Variants in ANKRD36C observed in about 807,000 individuals in gnomAD.
The protein encoded by ANKRD36C is ankyrin repeat domain-containing protein 36C.
Under a neutral mutation model 276.4 loss-of-function variants are expected in ANKRD36C, and 61 were observed. The observed-to-expected ratio is 0.22, with a 90% CI of 0.18 to 0.27. ANKRD36C has a LOEUF of 0.27. Ranked by LOEUF, ANKRD36C falls within the 10% of genes least tolerant of loss-of-function variation. The pLI is 1.00. For missense variants in ANKRD36C, 1,447 were observed against 2,032.3 expected (o/e 0.71, Z 5.54); for synonymous variants, 483 against 680.1 (o/e 0.71, Z 4.51).
chr2:95,921,525 G>T, intron 34 of ANKRD36C, 82 bp downstream of exon 34: 1 of 1,527,008 alleles, frequency 6.5e-7, no homozygotes, highest in Non-Finnish European at 8.8e-7. Flanking sequence ...CCCCCCACCT[G>T]CCCTCCACTG....
intron 24 of ANKRD36C, among the ~76,000 whole-genome samples, chr2:95,930,973 C>G (rs1677552218): frequency 6.6e-6 from 1 of 151,768 alleles, no homozygotes; most frequent in East Asian, 1.9e-4. Flanking sequence ...CCACAAGTCG[C>G]CTCATCAGAA....
intron 32 of ANKRD36C, among the ~76,000 whole-genome samples, chr2:95,922,029 T>A (rs1305334709): frequency 6.6e-6 from 1 of 151,610 alleles, no homozygotes; most frequent in African/African-American, 2.4e-5. Context: ...CATAATATGA[T>A]TTCTCGTATA....
chr2:95,890,865 C>G (rs543949278), intron 46 of ANKRD36C, among the ~76,000 whole-genome samples: 1 of 151,390 alleles, frequency 6.6e-6, no homozygotes, highest in Non-Finnish European at 1.5e-5. Flanking sequence ...CCATGTTATT[C>G]TTTAAAGAAG....
At chr2:95,902,156 T>C (rs1208083007) in intron 42 of ANKRD36C, among the ~76,000 whole-genome samples, 1 of 149,898 alleles carries the variant, frequency 6.7e-6, no homozygotes, top group East Asian at 2.0e-4. Context: ...AATTTATTCA[T>C]ATTCAAGATT....
chr2:95,876,604 C>A (rs1675960449), intron 58 of ANKRD36C, 92 bp from the exon 79 acceptor site: 1 of 669,904 alleles, frequency 1.5e-6, no homozygotes, highest in Non-Finnish European at 2.7e-6. Context: ...GTAATCCCAG[C>A]ACTTTGGGAG....
intron 12 of ANKRD36C, 34 bp downstream of exon 12, chr2:95,958,557 T>C (rs1449690709): frequency 6.6e-7 from 1 of 1,525,576 alleles, no homozygotes; most frequent in Non-Finnish European, 8.8e-7. Flanking sequence ...CTATCTTCAG[T>C]GTACATGGCA....
chr2:95,966,929 G>T (rs1678604160), intron 6 of ANKRD36C, among the ~76,000 whole-genome samples: 3 of 152,156 alleles, frequency 2.0e-5, no homozygotes, highest in Non-Finnish European at 1.5e-5. Flanking sequence ...TAGGAATTGT[G>T]TATGGGAGTT....
chr2:95,914,393 T>C (rs1442153534), intron 38 of ANKRD36C, 90 bp from the exon 41 acceptor site: 17 of 1,460,512 alleles, frequency 1.2e-5, no homozygotes, highest in East Asian at 2.5e-5. Flanking sequence ...AACCTCTGTC[T>C]TCCTGCCTGT....
intron 34 of ANKRD36C, among the ~76,000 whole-genome samples, 198 bp from the exon 37 acceptor site, chr2:95,918,240 C>T (rs1338174020): frequency 1.3e-5 from 2 of 151,614 alleles, no homozygotes; most frequent in Admixed American, 6.6e-5. Context: ...TCAAATATAT[C>T]CTTACAATTT....
chr2:95,853,224 A>G (rs889847451), intron 64 of ANKRD36C: 2 of 153,500 alleles, frequency 1.3e-5, no homozygotes, highest in African/African-American at 4.8e-5. Context: ...TTAACCTGAA[A>G]TCTATGAAAT....
At chr2:95,916,046 T>C in exon 38 of ANKRD36C, 1 of 1,584,480 alleles carries the variant, frequency 6.3e-7, no homozygotes. Context: ...TTCTCATCAC[T>C]TGTAGCCTGA....
At chr2:95,958,253 T>G (rs1350558981) in intron 12 of ANKRD36C, among the ~76,000 whole-genome samples, 1 of 151,972 alleles carries the variant, frequency 6.6e-6, no homozygotes, top group Non-Finnish European at 1.5e-5. Flanking sequence ...GCCTACAATT[T>G]CTAGTACTTC....
chr2:95,918,571 C>T (rs1230418947), intron 34 of ANKRD36C, among the ~76,000 whole-genome samples: 2 of 151,644 alleles, frequency 1.3e-5, no homozygotes. Context: ...AATTGATCAC[C>T]TTGGATATCT....
At chr2:95,890,036 T>C (rs1676301646) in intron 46 of ANKRD36C, 42 bp from the exon 67 acceptor site, 2 of 1,592,890 alleles carry the variant, frequency 1.3e-6, no homozygotes, top group Non-Finnish European at 1.7e-6. Flanking sequence ...TACGTAAATA[T>C]GATAAAGTTA....
chr2:95,872,348 CAG>C, intron 59 of ANKRD36C, among the ~76,000 whole-genome samples: 2 of 151,486 alleles, frequency 1.3e-5, no homozygotes, highest in Non-Finnish European at 2.9e-5. Context: ...AACTAGAACT[CAG>C]GATTAAGAAA....
Position 95,917,946 on chromosome 2 carries a change from A to G in ANKRD36C, c.2275-19T>C. 1 of 1,601,470 alleles carries G rather than the reference A, an allele frequency of 6.2e-7. No individual in the cohort carries two copies. The highest frequency in any genetic ancestry group is 1.1e-5 in the South Asian group (1 of 90,024). ...TTGTAGCCTGAATGGAATTTGAAAG[A>G]AAATAATAAATAAATAAATCAATGA... On this transcript the variant is annotated intron_variant, in intron 35 of 66. Transcript: ENST00000456556.
intron 42 of ANKRD36C, among the ~76,000 whole-genome samples, chr2:95,902,522 C>G (rs534835861): frequency 1.3e-5 from 2 of 150,620 alleles, no homozygotes; most frequent in Admixed American, 6.6e-5. Context: ...TCTATCTTTT[C>G]TTGGCAGTAC....
intron 19 of ANKRD36C, among the ~76,000 whole-genome samples, chr2:95,943,747 A>T (rs1677960159): frequency 6.6e-6 from 1 of 151,946 alleles, no homozygotes. Context: ...TTTATTTTGC[A>T]TTATCTATGA....
At chr2:95,855,344 G>T in exon 63 of ANKRD36C, 1 of 1,610,562 alleles carries the variant, frequency 6.2e-7, no homozygotes, top group Non-Finnish European at 8.5e-7. Flanking sequence ...ACATTTTATT[G>T]TCTTCTTCTA....
Sources: gnomAD v4.1 joint callset for allele counts (sites outside exome capture counted in the v4.1 genomes callset) on GRCh38, gnomAD v4.1.1 for gene constraint, MANE v1.5 for transcripts, NCBI Gene and HGNC (gene_info 2026-07-23, HGNC 2026-07-21) for gene names.